ARMC2: variants seen among roughly 807,000 people sequenced by gnomAD.
ARMC2 encodes the protein armadillo repeat containing 2.
ARMC2 carries 67 observed loss-of-function variants against 90.3 expected under a neutral mutation model. That is an observed-to-expected ratio of 0.74 (90% CI 0.61 to 0.91). The LOEUF (loss-of-function observed/expected upper bound fraction) is 0.91, where lower values mean the gene tolerates loss of function less well. Ranked by LOEUF, ARMC2 falls within the 40% of genes least tolerant of loss-of-function variation. The pLI, the probability that ARMC2 is intolerant of heterozygous loss-of-function variation, is 0.00. For synonymous variants in ARMC2, 393 were observed against 393.0 expected, an observed-to-expected ratio of 1.00 and a Z score of 0.00; for missense variants, 920 against 1,030.9, an observed-to-expected ratio of 0.89 and a Z score of 1.47.
chr6:109,046,192 T>C, the ARMC2 span, among the ~76,000 whole-genome samples: 3 of 146,276 alleles, frequency 2.1e-5, no homozygotes, highest in Non-Finnish European at 3.0e-5. Context: ...GCAACCTCCC[T>C]GCCTGATTCT....
Position 108,854,278 on chromosome 6 carries a change from C to T in ARMC2, c.11C>T (p.Pro4Leu). 2 of 1,605,348 alleles carry T rather than the reference C, an allele frequency of 1.2e-6. No individual in the cohort carries two copies. Among genetic ancestry groups the T allele is most frequent in the Non-Finnish European group, 1.7e-6 (2 of 1,175,822 alleles). The change falls in exon 2 of 18, where the codon CCA becomes CTA. Residue 4 changes from proline to leucine, a missense_variant. Transcript: ENST00000392644. ...ACTTTCAAAGGAAAGATGCTGTCTC[C>T]AAATGATAAAATGTTAGGAAAACTG... MLS[P>L]NDKMLGKLDP...
At chr6:108,926,647 T>A (rs917592412) in intron 10 of ARMC2, among the ~76,000 whole-genome samples, 3 of 151,624 alleles carry the variant, frequency 2.0e-5, no homozygotes, top group Non-Finnish European at 4.4e-5. Context: ...ATTGCTTGAA[T>A]GGGGGAGGCA....
At chr6:109,016,998 T>C in the ARMC2 span, among the ~76,000 whole-genome samples, 1 of 152,190 alleles carries the variant, frequency 6.6e-6, no homozygotes, top group East Asian at 1.9e-4. Context: ...TAAGTTTACA[T>C]TGGTAAAATA....
At chr6:108,985,704 G>GTAT in the ARMC2 span, among the ~76,000 whole-genome samples, 2 of 152,186 alleles carry the variant, frequency 1.3e-5, no homozygotes, top group South Asian at 2.1e-4. Flanking sequence ...TAGAAATTTT[G>GTAT]TATTTTCAAG....
intron 4 of ARMC2, among the ~76,000 whole-genome samples, chr6:108,872,054 C>A (rs934807668): frequency 1.3e-5 from 2 of 152,218 alleles, no homozygotes; most frequent in African/African-American, 4.8e-5. Context: ...CCCTGGGTTT[C>A]ATTTCAGATC....
At chr6:108,850,715 G>C (rs1382629874) in intron 1 of ARMC2, among the ~76,000 whole-genome samples, 3 of 152,188 alleles carry the variant, frequency 2.0e-5, no homozygotes, top group African/African-American at 7.2e-5. Context: ...AAATGTCTTA[G>C]CTCAAGTCTA....
At chr6:108,968,566 G>A (rs1174104134) in intron 17 of ARMC2, among the ~76,000 whole-genome samples, 1 of 152,200 alleles carries the variant, frequency 6.6e-6, no homozygotes, top group East Asian at 1.9e-4. Flanking sequence ...TTGGCAATGA[G>A]CACTCAGACC....
At position 108,868,992 on chromosome 6, in the gene ARMC2, G is replaced by C. The variant is rs199572050; in HGVS notation, c.460G>C (p.Asp154His). 2.5e-6 allele frequency: 4 copies of C among 1,610,846 alleles called. No individual in the cohort carries two copies. The highest frequency in any genetic ancestry group is 3.4e-6 in the Non-Finnish European group (4 of 1,178,604). The change falls in exon 4 of 18, where the codon GAC (aspartate) becomes CAC (histidine). Residue 154 changes from aspartate (D) to histidine (H), a missense_variant. Physicochemically the swap from Asp to His is moderately conservative, Grantham distance 81 (BLOSUM62 -1). Coordinates refer to ENST00000392644, the MANE Select transcript of ARMC2 (RefSeq NM_032131.6). ...GCCGGACAGATCCCTTCCTCCCTCCGACTGTAAGGCCATGTAACATCCTGT... is the reference window on the plus strand; with the variant it reads ...GCCGGACAGATCCCTTCCTCCCTCCCACTGTAAGGCCATGTAACATCCTGT... ...LLPDRSLPPSDSKKTVESKET... is the reference protein window; with the variant it reads ...LLPDRSLPPSHSKKTVESKET...
chr6:109,005,410 C>T, the ARMC2 span, among the ~76,000 whole-genome samples: 1 of 152,110 alleles, frequency 6.6e-6, no homozygotes, highest in Non-Finnish European at 1.5e-5. Flanking sequence ...CTTACAAATA[C>T]ATTAGCATCA....
intron 8 of ARMC2, among the ~76,000 whole-genome samples, chr6:108,909,998 T>C (rs1773245719): frequency 6.6e-6 from 1 of 152,218 alleles, no homozygotes; most frequent in Non-Finnish European, 1.5e-5. Context: ...CCCTTTCTTT[T>C]CTTTCCTTCA....
the ARMC2 span, among the ~76,000 whole-genome samples, chr6:109,040,653 T>A: frequency 6.7e-6 from 1 of 149,834 alleles, no homozygotes; most frequent in African/African-American, 2.4e-5. Context: ...CAAACTAGCA[T>A]AATCTTTTTT....
At chr6:109,013,317 G>A in the ARMC2 span, among the ~76,000 whole-genome samples, 1 of 152,180 alleles carries the variant, frequency 6.6e-6, no homozygotes, top group Non-Finnish European at 1.5e-5. Context: ...GGCAAGGCAA[G>A]AGGGCAGTCT....
At chr6:108,921,702 A>C (rs537688873) in intron 10 of ARMC2, among the ~76,000 whole-genome samples, 1 of 152,320 alleles carries the variant, frequency 6.6e-6, no homozygotes, top group Admixed American at 6.5e-5. Flanking sequence ...TTATTAATAG[A>C]GGGAGATGGC....
the ARMC2 span, among the ~76,000 whole-genome samples, chr6:108,987,806 CTTTT>C: frequency 2.2e-5 from 3 of 135,580 alleles, no homozygotes; most frequent in Non-Finnish European, 1.6e-5. Context: ...CAGCAGCTAT[CTTTT>C]TTTTTTTTTT....
At chr6:108,955,247 A>C (rs1433851713) in intron 13 of ARMC2, among the ~76,000 whole-genome samples, 1 of 152,186 alleles carries the variant, frequency 6.6e-6, no homozygotes. Context: ...AATTCGGCCT[A>C]TATGGTGGAG....
At chr6:108,915,037 C>G (rs1200316598) in intron 10 of ARMC2, among the ~76,000 whole-genome samples, 1 of 151,970 alleles carries the variant, frequency 6.6e-6, no homozygotes, top group Non-Finnish European at 1.5e-5. Flanking sequence ...ACTGCAACCT[C>G]CACCTCCCAG....
chr6:108,864,468 C>T (rs573815746), intron 3 of ARMC2, among the ~76,000 whole-genome samples: 8 of 152,176 alleles, frequency 5.3e-5, no homozygotes, highest in South Asian at 2.1e-4. Context: ...AGAATGGTCT[C>T]GATCTCTTGA....
At chr6:108,939,633 C>G (rs2128494675) in intron 12 of ARMC2, among the ~76,000 whole-genome samples, 1 of 152,328 alleles carries the variant, frequency 6.6e-6, no homozygotes, top group Non-Finnish European at 1.5e-5. Context: ...CCAATTCAAT[C>G]TCTTTTCTTG....
At chr6:108,990,979 TC>T in the ARMC2 span, 1 of 641,584 alleles carries the variant, frequency 1.6e-6, no homozygotes, top group Non-Finnish European at 2.6e-6. Flanking sequence ...TCACTTACAC[TC>T]CAATCTTTTT....
Sources: gnomAD v4.1 joint callset for allele counts (sites outside exome capture counted in the v4.1 genomes callset) on GRCh38, gnomAD v4.1.1 for gene constraint, MANE v1.5 for transcripts, NCBI Gene and HGNC (gene_info 2026-07-23, HGNC 2026-07-21) for gene names.